Variants in KCNMA1 observed in about 807,000 individuals in gnomAD.
KCNMA1 encodes the protein potassium calcium-activated channel subfamily M alpha 1, also known as Calcium-activated potassium channel subunit alpha-1.
In KCNMA1, 29 loss-of-function variants were observed where a neutral mutation model predicts 140.0. The observed-to-expected ratio is 0.21, with a 90% CI of 0.15 to 0.28. KCNMA1 has a LOEUF of 0.28. Ranked by LOEUF, KCNMA1 falls within the 10% of genes least tolerant of loss-of-function variation. KCNMA1 has a pLI of 1.00. For synonymous variants in KCNMA1, 612 were observed against 611.9 expected (o/e 1.00, Z 0.00); for missense variants, 880 against 1,602.2 (o/e 0.55, Z 7.70).
At chr10:77,559,866 C>T (rs1476001531) in intron 1 of KCNMA1, among the ~76,000 whole-genome samples, 1 of 152,094 alleles carries the variant, frequency 6.6e-6, no homozygotes, top group Non-Finnish European at 1.5e-5. Context: ...CAACTATATT[C>T]AGCCCGATAT....
At chr10:77,144,071 T>C (rs994027777) in intron 5 of KCNMA1, among the ~76,000 whole-genome samples, 1 of 152,032 alleles carries the variant, frequency 6.6e-6, no homozygotes, top group African/African-American at 2.4e-5. Context: ...AATTTCTAAG[T>C]ATTTACCCAA....
chr10:77,536,814 C>T (rs575630782), intron 1 of KCNMA1, among the ~76,000 whole-genome samples: 28 of 152,314 alleles, frequency 1.8e-4, no homozygotes, highest in African/African-American at 6.7e-4. Flanking sequence ...TCACTGGTCT[C>T]CTCCCCAGAG....
intron 1 of KCNMA1, among the ~76,000 whole-genome samples, chr10:77,549,390 T>G (rs2062201844): frequency 6.6e-6 from 1 of 152,180 alleles, no homozygotes; most frequent in Non-Finnish European, 1.5e-5. Context: ...CCTTCCCTAG[T>G]TCAATCATCA....
At chr10:76,879,040 G>C (rs1353064246) in intron 29 of KCNMA1, among the ~76,000 whole-genome samples, 1 of 152,084 alleles carries the variant, frequency 6.6e-6, no homozygotes, top group Non-Finnish European at 1.5e-5. Flanking sequence ...TAACTGCCTT[G>C]TCAGTGGTCC....
At chr10:77,161,662 T>C (rs1396524695) in intron 5 of KCNMA1, among the ~76,000 whole-genome samples, 1 of 152,204 alleles carries the variant, frequency 6.6e-6, no homozygotes, top group Non-Finnish European at 1.5e-5. Flanking sequence ...GTTATGAGTG[T>C]GTTTAGAGAT....
At chr10:77,561,744 G>T (rs2066474977) in intron 1 of KCNMA1, among the ~76,000 whole-genome samples, 1 of 152,172 alleles carries the variant, frequency 6.6e-6, no homozygotes. Context: ...CATTTTAGGG[G>T]CTGCTTCAAG....
intron 2 of KCNMA1, among the ~76,000 whole-genome samples, chr10:77,330,861 C>T (rs375644045): frequency 6.6e-6 from 1 of 152,150 alleles, no homozygotes; most frequent in Admixed American, 6.6e-5. Context: ...AGTTTCCTCA[C>T]ATGTAAAATG....
At chr10:77,324,955 CTCTCTCTCTCTCTCTCTGTGTGTGTG>C (rs1295177363) in intron 2 of KCNMA1, among the ~76,000 whole-genome samples, 2 of 104,118 alleles carry the variant, frequency 1.9e-5, no homozygotes, top group African/African-American at 8.0e-5. Context: ...CTCTCTCTCT[CTCTCTCTCTCTCTCTCTGTGTGTGTG>C]TGTGTGTGTG....
At chr10:77,620,054 G>A (rs1362945665) in intron 1 of KCNMA1, among the ~76,000 whole-genome samples, 1 of 152,204 alleles carries the variant, frequency 6.6e-6, no homozygotes, top group Non-Finnish European at 1.5e-5. Flanking sequence ...CTGCAGTGAT[G>A]ATCAGCAGCT....
rs181191155 is a variant in KCNMA1 at position 77,078,997 on chromosome 10, G to C, written c.1593+484C>G. 6.6e-5 allele frequency among the ~76,000 whole-genome samples: 10 copies of C among 152,284 alleles called. No homozygotes were observed. The East Asian group carries it at 1.9e-3, about 29-fold the overall frequency. On this transcript the variant is annotated intron_variant, in intron 13 of 27. Transcript: ENST00000286628. ...TGGACTAAAGAAATGGGCCAGAGGC[G>C]TGGTGGCTCATGCCTGTAATCCCAG...
intron 1 of KCNMA1, among the ~76,000 whole-genome samples, chr10:77,477,943 G>A (rs2098311794): frequency 6.6e-6 from 1 of 152,166 alleles, no homozygotes; most frequent in Admixed American, 6.5e-5. Flanking sequence ...ACAAATTTGG[G>A]TGTCATTAGG....
At chr10:77,282,319 G>C (rs1306591363) in intron 2 of KCNMA1, among the ~76,000 whole-genome samples, 1 of 152,104 alleles carries the variant, frequency 6.6e-6, no homozygotes, top group Non-Finnish European at 1.5e-5. Context: ...CCATGACTCA[G>C]GTGAACCTTC....
chr10:77,023,050 G>C (rs546698474), intron 16 of KCNMA1: 2 of 396,740 alleles, frequency 5.0e-6, no homozygotes, highest in East Asian at 1.6e-4. Context: ...GCTCAGTCCC[G>C]CAGGGAAATG....
At chr10:76,959,736 A>G (rs565202423) in intron 20 of KCNMA1, among the ~76,000 whole-genome samples, 2 of 152,284 alleles carry the variant, frequency 1.3e-5, no homozygotes, top group Non-Finnish European at 2.9e-5. Context: ...TACTACTACT[A>G]TTGCTGCTAC....
At chr10:76,928,113 A>C (rs2058233617) in intron 23 of KCNMA1, among the ~76,000 whole-genome samples, 1 of 152,146 alleles carries the variant, frequency 6.6e-6, no homozygotes, top group Non-Finnish European at 1.5e-5. Flanking sequence ...GGAGGACGGG[A>C]AAATTGCAAA....
intron 2 of KCNMA1, among the ~76,000 whole-genome samples, chr10:77,364,749 C>T (rs761126268): frequency 3.9e-5 from 6 of 152,170 alleles, no homozygotes; most frequent in Non-Finnish European, 7.3e-5. Context: ...CTGCCTTGGT[C>T]CCCAGCCCCA....
intron 1 of KCNMA1, among the ~76,000 whole-genome samples, chr10:77,579,411 G>A (rs2075207937): frequency 6.6e-6 from 1 of 152,208 alleles, no homozygotes; most frequent in African/African-American, 2.4e-5. Flanking sequence ...CTCTGCCACG[G>A]TAAGCTTGAA....
intron 1 of KCNMA1, among the ~76,000 whole-genome samples, chr10:77,449,953 T>C (rs1603623436): frequency 6.6e-6 from 1 of 151,054 alleles, no homozygotes; most frequent in African/African-American, 2.4e-5. Flanking sequence ...ATTTATTTAT[T>C]TTTAATTTAA....
chr10:77,605,905 C>T (rs2670166), intron 1 of KCNMA1, among the ~76,000 whole-genome samples: 1 of 152,078 alleles, frequency 6.6e-6, no homozygotes, highest in African/African-American at 2.4e-5. Flanking sequence ...TGTGCAACTT[C>T]CCCAAGGTCA....
Sources: allele counts gnomAD v4.1 joint callset (sites outside exome capture counted in the v4.1 genomes callset), GRCh38; gene constraint gnomAD v4.1.1; transcripts MANE v1.5; gene names NCBI Gene and HGNC (gene_info 2026-07-23, HGNC 2026-07-21).